EPHA6: variants seen among roughly 807,000 people sequenced by gnomAD.
The protein encoded by EPHA6 is ephrin type-A receptor 6.
Under a neutral mutation model 112.0 loss-of-function variants are expected in EPHA6, and 50 were observed. That is an observed-to-expected ratio of 0.45 (90% confidence interval 0.36 to 0.56). The LOEUF is 0.56. Ranked by LOEUF, EPHA6 falls within the 20% of genes least tolerant of loss-of-function variation. The pLI, the probability that EPHA6 is intolerant of heterozygous loss-of-function variation, is 0.00. For missense variants in EPHA6, 1,280 were observed against 1,417.4 expected (o/e 0.90, Z 1.56); for synonymous variants, 529 against 490.7 (o/e 1.08, Z -1.03).
chr3:97,522,497 G>A lies in EPHA6; in HGVS notation c.2201-9861G>A, dbSNP rs138172332. On this transcript the variant is annotated intron_variant, in intron 10 of 17. Transcript: ENST00000389672. Reference sequence around the variant, plus strand: ...TCATCTACCTTCATCAAGGATATAGGCTTGTAGTTCTGTTTTTTTATATTG... The same window carrying A: ...TCATCTACCTTCATCAAGGATATAGACTTGTAGTTCTGTTTTTTTATATTG... Among the ~76,000 whole-genome samples, 513 of 152,180 alleles carry A rather than the reference G, an allele frequency of 3.4e-3. 1 individual carries two copies. Among genetic ancestry groups the A allele is most frequent in the African/African-American group, 0.012 (490 of 41,534 alleles).
intron 3 of EPHA6, among the ~76,000 whole-genome samples, chr3:96,998,504 T>G (rs986254125): frequency 2.2e-4 from 34 of 152,028 alleles, no homozygotes; most frequent in Non-Finnish European, 1.0e-4. Context: ...TCTCTCCCTC[T>G]TCAATGATTG....
At chr3:97,651,439 G>T (rs1295976378) in intron 14 of EPHA6, among the ~76,000 whole-genome samples, 3 of 151,960 alleles carry the variant, frequency 2.0e-5, no homozygotes, top group African/African-American at 7.2e-5. Context: ...CTATAGCCTG[G>T]ATAAGATCCA....
intron 2 of EPHA6, among the ~76,000 whole-genome samples, chr3:96,876,438 T>C (rs150067426): frequency 6.6e-6 from 1 of 151,440 alleles, no homozygotes; most frequent in African/African-American, 2.4e-5. Flanking sequence ...CATCCTAGAT[T>C]GTTTACCTGC....
At chr3:97,087,007 G>T (rs531678566) in intron 3 of EPHA6, among the ~76,000 whole-genome samples, 15 of 152,112 alleles carry the variant, frequency 9.9e-5, no homozygotes, top group Non-Finnish European at 5.9e-5. Context: ...GGAAAAACAC[G>T]TAAGTTTTGT....
chr3:97,542,359 C>T (rs909899880), intron 11 of EPHA6, among the ~76,000 whole-genome samples: 3 of 151,902 alleles, frequency 2.0e-5, no homozygotes, highest in Admixed American at 1.3e-4. Context: ...GTTTTTTGTC[C>T]TTCTGATATT....
At chr3:96,854,796 T>C (rs1050663897) in intron 1 of EPHA6, among the ~76,000 whole-genome samples, 2 of 152,240 alleles carry the variant, frequency 1.3e-5, no homozygotes, top group Admixed American at 1.3e-4. Context: ...GAGACCCTAG[T>C]TGAGTTAAAT....
chr3:97,091,840 A>G (rs1361335903), intron 3 of EPHA6, among the ~76,000 whole-genome samples: 1 of 152,076 alleles, frequency 6.6e-6, no homozygotes, highest in African/African-American at 2.4e-5. Context: ...TAGTACTTTA[A>G]GAAAAAGAAA....
chr3:97,272,540 G>A lies in EPHA6; in HGVS notation c.1606+28253G>A, dbSNP rs570795288. Among the ~76,000 whole-genome samples the A allele has an allele frequency of 2.4e-3, 373 of 152,248 alleles. 3 individuals are homozygous for A. Among genetic ancestry groups the A allele is most frequent in the African/African-American group, 7.9e-3 (330 of 41,550 alleles). ...GGCTATTTATTTCACCTGGGTGCAG[G>A]CGGGCTGAGTCCAAAAAGAGAGTCA... is the stretch of plus-strand genomic sequence containing the variant. On this transcript the variant is annotated intron_variant, in intron 5 of 17. Transcript: ENST00000389672.
intron 11 of EPHA6, among the ~76,000 whole-genome samples, chr3:97,565,632 A>C (rs1277641520): frequency 6.6e-6 from 1 of 152,218 alleles, no homozygotes; most frequent in Non-Finnish European, 1.5e-5. Context: ...GATAGAATCT[A>C]CCAAGTAAAT....
At chr3:97,669,669 C>A (rs1005477772) in intron 14 of EPHA6, among the ~76,000 whole-genome samples, 2 of 151,868 alleles carry the variant, frequency 1.3e-5, no homozygotes, top group Admixed American at 6.6e-5. Context: ...AGACACCCCC[C>A]ACTCCATGAT....
intron 5 of EPHA6, among the ~76,000 whole-genome samples, chr3:97,329,999 G>T (rs1180877981): frequency 2.0e-5 from 3 of 152,076 alleles, no homozygotes; most frequent in African/African-American, 4.8e-5. Context: ...TTTGTATAAG[G>T]CGTAAGGAAG....
chr3:97,066,204 C>A (rs746414513), intron 3 of EPHA6, among the ~76,000 whole-genome samples: 174 of 152,036 alleles, frequency 1.1e-3, no homozygotes, highest in Non-Finnish European at 1.8e-3. Context: ...AAGAGTGTTT[C>A]TTCTACCATA....
At chr3:97,732,621 C>T (rs2035086430) in intron 15 of EPHA6, among the ~76,000 whole-genome samples, 1 of 152,016 alleles carries the variant, frequency 6.6e-6, no homozygotes, top group Non-Finnish European at 1.5e-5. Context: ...TCTTCTTTGA[C>T]TACCTTTGAA....
intron 3 of EPHA6, among the ~76,000 whole-genome samples, chr3:97,015,663 A>G (rs530776511): frequency 2.6e-5 from 4 of 152,306 alleles, no homozygotes; most frequent in Admixed American, 1.3e-4. Context: ...TTAAAATACA[A>G]ATATAACAGA....
At chr3:96,880,704 C>A (rs1227862735) in intron 2 of EPHA6, among the ~76,000 whole-genome samples, 1 of 152,086 alleles carries the variant, frequency 6.6e-6, no homozygotes, top group South Asian at 2.1e-4. Context: ...CCCCACCTCA[C>A]GCGCTGGCAA....
At chr3:96,942,695 C>G (rs2041037106) in intron 2 of EPHA6, among the ~76,000 whole-genome samples, 1 of 152,224 alleles carries the variant, frequency 6.6e-6, no homozygotes, top group Non-Finnish European at 1.5e-5. Flanking sequence ...AATCACCGGT[C>G]TTCTGCTTTG....
chr3:96,854,924 G>A lies in EPHA6; in HGVS notation c.386-11901G>A, dbSNP rs577058654. 7.2e-5 allele frequency among the ~76,000 whole-genome samples: 11 copies of A among 152,264 alleles called. No individual in the cohort carries two copies. In the South Asian group the frequency reaches 1.2e-3, roughly 17 times the overall value. On this transcript the variant is annotated intron_variant, in intron 1 of 17. Transcript: ENST00000389672. ...ATATTCAGTGGTTTAAATAACACAC[G>A]TTTATTTGCACAGTTTTGTAGGCTA... is the stretch of plus-strand genomic sequence containing the variant.
At chr3:97,735,692 C>T (rs1180438101) in intron 15 of EPHA6, among the ~76,000 whole-genome samples, 1 of 151,938 alleles carries the variant, frequency 6.6e-6, no homozygotes, top group Admixed American at 6.6e-5. Context: ...CTCCTCTATA[C>T]TGGTAGCACA....
At chr3:97,315,537 G>C (rs2081784365) in intron 5 of EPHA6, among the ~76,000 whole-genome samples, 1 of 151,622 alleles carries the variant, frequency 6.6e-6, no homozygotes, top group African/African-American at 2.4e-5. Context: ...AGGGGAAGAA[G>C]TAGAATCAAA....
Sources: gnomAD v4.1 joint callset for allele counts (sites outside exome capture counted in the v4.1 genomes callset) on GRCh38, gnomAD v4.1.1 for gene constraint, MANE v1.5 for transcripts, NCBI Gene and HGNC (gene_info 2026-07-23, HGNC 2026-07-21) for gene names.